Variants in IQSEC1 observed in about 807,000 individuals in gnomAD.
IQSEC1 encodes IQ motif and SEC7 domain-containing protein 1.
IQSEC1 carries 31 observed loss-of-function variants against 91.0 expected under a neutral mutation model. That is an observed-to-expected ratio of 0.34 (90% CI 0.26 to 0.46). The LOEUF is 0.46. IQSEC1 is among the 20% of genes least tolerant of loss of function. The pLI, the probability that IQSEC1 is intolerant of heterozygous loss-of-function variation, is 1.00. For synonymous variants in IQSEC1, 699 were observed against 662.6 expected, an observed-to-expected ratio of 1.05 and a Z score of -0.84; for missense variants, 1,388 against 1,575.6, an observed-to-expected ratio of 0.88 and a Z score of 2.02.
chr3:13,203,564 G>C (rs913213642), intron 1 of IQSEC1, among the ~76,000 whole-genome samples: 2 of 152,120 alleles, frequency 1.3e-5, no homozygotes, highest in African/African-American at 4.8e-5. Flanking sequence ...CGGGACACAG[G>C]AAACACACCG....
intron 3 of IQSEC1, among the ~76,000 whole-genome samples, chr3:12,925,026 A>G (rs1696987893): frequency 6.6e-6 from 1 of 152,244 alleles, no homozygotes; most frequent in African/African-American, 2.4e-5. Context: ...AGACTCACCC[A>G]GACCTTGTAC....
At chr3:13,019,151 G>T (rs988892460) in intron 1 of IQSEC1, among the ~76,000 whole-genome samples, 3 of 152,236 alleles carry the variant, frequency 2.0e-5, no homozygotes, top group Admixed American at 2.0e-4. Flanking sequence ...ACAACCTACC[G>T]TTGTGGGCTC....
chr3:13,256,248 C>T (rs572271413), intron 1 of IQSEC1, among the ~76,000 whole-genome samples: 1 of 152,218 alleles, frequency 6.6e-6, no homozygotes, highest in Admixed American at 6.5e-5. Flanking sequence ...GCACTGTCCA[C>T]GACATGTTCC....
intron 2 of IQSEC1, among the ~76,000 whole-genome samples, chr3:13,102,626 A>G (rs1037063576): frequency 2.0e-5 from 3 of 152,048 alleles, no homozygotes; most frequent in African/African-American, 7.2e-5. Flanking sequence ...GGATTTGAAG[A>G]TATTTATTGG....
intron 2 of IQSEC1, among the ~76,000 whole-genome samples, chr3:13,162,368 C>A (rs558386534): frequency 6.6e-6 from 1 of 152,332 alleles, no homozygotes; most frequent in African/African-American, 2.4e-5. Context: ...CCTGAGCCTG[C>A]AGCCCCTCCG....
At chr3:13,135,075 T>C (rs1427185985) in intron 2 of IQSEC1, among the ~76,000 whole-genome samples, 1 of 151,956 alleles carries the variant, frequency 6.6e-6, no homozygotes, top group Non-Finnish European at 1.5e-5. Flanking sequence ...AGGGGTCTGC[T>C]GAGGGAGGCT....
Position 12,899,802 on chromosome 3 carries a change from C to G in IQSEC1, c.*1181G>C, listed in dbSNP as rs886128178. The G allele has an allele frequency of 2.0e-6, 2 of 985,252 alleles. No individual in the cohort carries two copies. Among genetic ancestry groups the G allele is most frequent in the Non-Finnish European group, 2.4e-6 (2 of 829,930 alleles). 61.0% of individuals were successfully genotyped at this position (985,252 alleles called of 1,614,324 possible). On this transcript the variant is annotated 3_prime_UTR_variant, in exon 14 of 14. Transcript: ENST00000613206. ...TCCTGATGAAAACACTCTCTGAGGG[C>G]TTCGGCCTGGTGTGGGTTGGAGGCG...
intron 1 of IQSEC1, among the ~76,000 whole-genome samples, chr3:13,222,427 T>TA (rs1470952070): frequency 6.6e-6 from 1 of 152,200 alleles, no homozygotes; most frequent in Non-Finnish European, 1.5e-5. Context: ...GTTGTGAACA[T>TA]GGGTGTGCAC....
At chr3:13,093,812 A>C (rs1576246731) in intron 2 of IQSEC1, among the ~76,000 whole-genome samples, 1 of 152,256 alleles carries the variant, frequency 6.6e-6, no homozygotes, top group East Asian at 1.9e-4. Context: ...TGACTCCGCT[A>C]GGTCTCCCCC....
chr3:13,205,421 C>T (rs1203087102), intron 1 of IQSEC1, among the ~76,000 whole-genome samples: 2 of 152,054 alleles, frequency 1.3e-5, no homozygotes, highest in Non-Finnish European at 2.9e-5. Context: ...TGAAACGTTC[C>T]TGTTAGTCCC....
chr3:13,080,334 T>A (rs1705629189), intron 2 of IQSEC1, among the ~76,000 whole-genome samples: 1 of 151,104 alleles, frequency 6.6e-6, no homozygotes, highest in African/African-American at 2.4e-5. Flanking sequence ...TTGGGAGAAG[T>A]GTGGGTGGGA....
intron 1 of IQSEC1, among the ~76,000 whole-genome samples, chr3:12,981,479 G>A (rs1701457331): frequency 6.6e-6 from 1 of 152,046 alleles, no homozygotes; most frequent in African/African-American, 2.4e-5. Flanking sequence ...CGGCTGCTGG[G>A]GGACTAGTGT....
At chr3:12,951,624 C>T (rs1225785899) in intron 1 of IQSEC1, among the ~76,000 whole-genome samples, 1 of 152,168 alleles carries the variant, frequency 6.6e-6, no homozygotes, top group African/African-American at 2.4e-5. Context: ...GCCTGGCACG[C>T]AGTTCTAGGA....
At chr3:13,164,755 C>G (rs1286997195) in intron 1 of IQSEC1, among the ~76,000 whole-genome samples, 1 of 152,186 alleles carries the variant, frequency 6.6e-6, no homozygotes, top group Non-Finnish European at 1.5e-5. Context: ...GCTCTGTACA[C>G]CAAAGGAAAG....
At chr3:13,111,189 C>T (rs573222126) in intron 2 of IQSEC1, among the ~76,000 whole-genome samples, 4 of 152,218 alleles carry the variant, frequency 2.6e-5, no homozygotes, top group African/African-American at 4.8e-5. Flanking sequence ...TCCTGACTTA[C>T]GTTTTCTGAT....
intron 2 of IQSEC1, among the ~76,000 whole-genome samples, chr3:13,111,646 G>C (rs988696446): frequency 8.5e-5 from 13 of 152,176 alleles, no homozygotes; most frequent in African/African-American, 2.7e-4. Context: ...GCCTTTGGGA[G>C]GTGATTACGC....
intron 1 of IQSEC1, among the ~76,000 whole-genome samples, chr3:12,964,399 CCT>C (rs1283821555): frequency 6.6e-6 from 1 of 151,998 alleles, no homozygotes; most frequent in African/African-American, 2.4e-5. Flanking sequence ...TCATCTTGCC[CCT>C]GTGCTTACTG....
chr3:13,258,671 A>G (rs3852029), intron 1 of IQSEC1, among the ~76,000 whole-genome samples: 58,603 of 152,096 alleles, frequency 0.39, 14,616 homozygotes, highest in African/African-American at 0.72. Context: ...GGGCAACAGC[A>G]TGAGATCCTG....
At position 12,992,622 on chromosome 3, in the gene IQSEC1, A is replaced by G. The variant is rs1702041207; in HGVS notation, c.24-50757T>C. Among the ~76,000 whole-genome samples the G allele has an allele frequency of 6.6e-6, 1 of 152,156 alleles. No individual in the cohort carries two copies. The highest frequency in any genetic ancestry group is 6.5e-5 in the Admixed American group (1 of 15,276). On this transcript the variant is annotated intron_variant, in intron 1 of 13. Coordinates refer to ENST00000613206, the MANE Select transcript of IQSEC1 (RefSeq NM_001134382.3). The surrounding 1 kb of genome is among the most constrained non-coding windows in gnomAD (Gnocchi z 4.1). ...GAAACGGTGGCTCATCAAAGTGCACAACCAGACCCCTGCTCCCAGTCTAGG... is the reference window on the plus strand; with the variant it reads ...GAAACGGTGGCTCATCAAAGTGCACGACCAGACCCCTGCTCCCAGTCTAGG...
Sources: gnomAD v4.1 joint callset for allele counts (sites outside exome capture counted in the v4.1 genomes callset) on GRCh38, gnomAD v4.1.1 for gene constraint, Gnocchi (gnomAD v3.1) non-coding constraint, MANE v1.5 for transcripts, NCBI Gene and HGNC (gene_info 2026-07-23, HGNC 2026-07-21) for gene names.